The following CECR2 variants were observed in gnomAD, a reference collection of about 807,000 sequenced individuals.
CECR2 encodes chromatin remodeling regulator CECR2.
Under a neutral mutation model 154.5 loss-of-function variants are expected in CECR2, and 30 were observed. The observed-to-expected ratio is 0.19, with a 90% CI of 0.15 to 0.26. CECR2 has a LOEUF of 0.26. Among genes scored for constraint, CECR2 ranks in the 10% least tolerant of loss-of-function variants. The pLI is 1.00. For synonymous variants in CECR2, 725 were observed against 683.7 expected (o/e 1.06, Z -0.94); for missense variants, 1,743 against 1,829.3 (o/e 0.95, Z 0.86).
intron 1 of CECR2, among the ~76,000 whole-genome samples, chr22:17,475,448 C>G (rs2055193288): frequency 6.6e-6 from 1 of 152,050 alleles, no homozygotes; most frequent in Admixed American, 6.6e-5. Context: ...CCTAGTTTAT[C>G]TTGCTGTTGT....
At chr22:17,441,089 C>T (rs1386872238) in intron 1 of CECR2, among the ~76,000 whole-genome samples, 3 of 152,062 alleles carry the variant, frequency 2.0e-5, no homozygotes, top group African/African-American at 4.8e-5. Context: ...GTTGGGATTA[C>T]AGGTGCATGC....
chr22:17,374,965 G>T (rs371938550), intron 1 of CECR2, among the ~76,000 whole-genome samples: 1 of 151,944 alleles, frequency 6.6e-6, no homozygotes, highest in Non-Finnish European at 1.5e-5. Context: ...TTAAAATGAC[G>T]GGCCAGACCC....
intron 1 of CECR2, among the ~76,000 whole-genome samples, chr22:17,406,197 C>T (rs949268130): frequency 2.6e-5 from 4 of 152,134 alleles, no homozygotes; most frequent in Non-Finnish European, 5.9e-5. Context: ...AATATGGTGT[C>T]TTTTGGTAAA....
chr22:17,537,282 T>C, intron 10 of CECR2, 50 bp downstream of exon 10: 1 of 1,605,604 alleles, frequency 6.2e-7, no homozygotes, highest in Non-Finnish European at 8.5e-7. Context: ...GTAGCATTTA[T>C]GAAGCATTCA....
chr22:17,458,530 ATAT>A (rs2054889183), intron 1 of CECR2, among the ~76,000 whole-genome samples: 1 of 151,476 alleles, frequency 6.6e-6, no homozygotes, highest in South Asian at 2.1e-4. Context: ...TTTCTTTTTA[ATAT>A]TATAGTTATG....
intron 2 of CECR2, among the ~76,000 whole-genome samples, chr22:17,485,556 C>G (rs1049913029): frequency 6.6e-6 from 1 of 152,148 alleles, no homozygotes; most frequent in Non-Finnish European, 1.5e-5. Context: ...CTCACATGAA[C>G]TCAGGAGTTC....
intron 1 of CECR2, among the ~76,000 whole-genome samples, chr22:17,466,452 T>A (rs1213637435): frequency 2.6e-5 from 4 of 152,206 alleles, no homozygotes; most frequent in Non-Finnish European, 5.9e-5. Flanking sequence ...TGAAAACCCT[T>A]TATGTCAGCC....
At chr22:17,389,374 G>T (rs538270886) in intron 1 of CECR2, among the ~76,000 whole-genome samples, 1 of 152,278 alleles carries the variant, frequency 6.6e-6, no homozygotes, top group Admixed American at 6.5e-5. Context: ...TAGCTAGCTA[G>T]GCATCTCTAG....
chr22:17,428,503 T>TACC (rs1555908309), intron 1 of CECR2: 1 of 151,706 alleles, frequency 6.6e-6, no homozygotes, highest in Non-Finnish European at 1.5e-5. Context: ...AAGAGAAACT[T>TACC]ATCAAACATT....
At chr22:17,360,479 C>A (rs1317372892) in intron 1 of CECR2, among the ~76,000 whole-genome samples, 1 of 151,984 alleles carries the variant, frequency 6.6e-6, no homozygotes, top group Non-Finnish European at 1.5e-5. Flanking sequence ...GTCAGGAGTT[C>A]GAGACCAGCC....
intron 2 of CECR2, among the ~76,000 whole-genome samples, chr22:17,483,977 T>TAA: frequency 6.6e-6 from 1 of 152,204 alleles, no homozygotes; most frequent in African/African-American, 2.4e-5. Context: ...CACAAATCCT[T>TAA]AACATTCCAT....
rs767828651 is a variant in CECR2, at chr22:17,552,078, C to T, written c.4325C>T (p.Pro1442Leu). The T allele has an allele frequency of 1.2e-6, 2 of 1,614,028 alleles. No individual in the cohort carries two copies. Among genetic ancestry groups the T allele is most frequent in the Non-Finnish European group, 1.7e-6 (2 of 1,179,892 alleles). Residue 1442 changes from proline (P) to leucine (L), a missense_variant, in exon 18 of 19, where the codon CCC becomes CTC. Physicochemically the swap from Pro to Leu is moderately conservative, Grantham distance 98 (BLOSUM62 -3). Around this residue, in one of 4 missense-constraint regions of CECR2, gnomAD observed 1,250 missense variants for 1,192.1 expected, o/e 1.05. Transcript: ENST00000262608. ...VQSQASFPKT[P>L]TAATSQEEVP... ...TCGCAGGCCTCGTTCCCAAAGACCC[C>T]CACAGCAGCAACATCACAGGAGGAG...
rs753544586 is a variant in CECR2, at chr22:17,548,143, T to TG, written c.2861-4dup. On this transcript the variant is annotated splice_region_variant and splice_polypyrimidine_tract_variant and intron_variant, in intron 16 of 18. Transcript: ENST00000262608. ...TTTTTCTCCTCTTTTTTTTTTTTTT[T>TG]GCAGCAGAGCCGTTGCCTGGCCTTG... 2.7e-4 allele frequency: 394 copies of TG among 1,461,900 alleles called. No individual in the cohort carries two copies. Among genetic ancestry groups the TG allele is most frequent in the East Asian group, 6.4e-4 (25 of 39,338 alleles). The allele number at this position is 1,461,900 out of a possible 1,614,324, so 90.6% of individuals were successfully genotyped here. A position where few individuals can be genotyped will look rare whatever the true frequency, so the allele number is the denominator to read the frequency against.
intron 9 of CECR2, among the ~76,000 whole-genome samples, chr22:17,534,034 T>G (rs1974713): frequency 3.9e-5 from 6 of 151,984 alleles, no homozygotes; most frequent in African/African-American, 1.2e-4. Context: ...CATGAAAACT[T>G]GCAAAAACAA....
intron 1 of CECR2, among the ~76,000 whole-genome samples, chr22:17,460,707 ATCCC>A (rs2054924530): frequency 6.6e-6 from 1 of 152,178 alleles, no homozygotes; most frequent in African/African-American, 2.4e-5. Flanking sequence ...AGTGCCTGTC[ATCCC>A]CGGTATCCTT....
rs910728377 is a variant in CECR2 at position 17,442,303 on chromosome 22, C to T, written c.127-35285C>T. The stretch of plus-strand genomic sequence containing the variant: ...ATCAGGCCAGGTGTGGTGGCTCACA[C>T]CTATAATCCCAGAACTTCAGGAGGC... On this transcript the variant is annotated intron_variant, in intron 1 of 18. Transcript: ENST00000262608. Among the ~76,000 whole-genome samples the T allele has an allele frequency of 2.6e-5, 4 of 152,128 alleles. No homozygotes were observed. The South Asian group carries it at 6.2e-4, about 24-fold the overall frequency.
Position 17,550,708 on chromosome 22 carries a change from C to T in CECR2, c.4277+1144C>T, listed in dbSNP as rs374103577. Among the ~76,000 whole-genome samples, 8 of 152,186 alleles carry T rather than the reference C, an allele frequency of 5.3e-5. No homozygotes were observed. The East Asian group carries it at 1.2e-3, about 22-fold the overall frequency. On this transcript the variant is annotated intron_variant, in intron 17 of 18. Transcript: ENST00000262608. Reference sequence around the variant, plus strand: ...CTGTAATCCCAGCACTTCGGGAGGCCGAGGCGGGCAGATCACGAGGTCAGG... The same window carrying T: ...CTGTAATCCCAGCACTTCGGGAGGCTGAGGCGGGCAGATCACGAGGTCAGG...
At chr22:17,481,686 G>A (rs1006312706) in intron 2 of CECR2, among the ~76,000 whole-genome samples, 1 of 152,166 alleles carries the variant, frequency 6.6e-6, no homozygotes, top group Non-Finnish European at 1.5e-5. Flanking sequence ...GTGGTCACAC[G>A]AGGTTGTGAT....
At chr22:17,392,036 C>T (rs2063331445) in intron 1 of CECR2, among the ~76,000 whole-genome samples, 1 of 152,118 alleles carries the variant, frequency 6.6e-6, no homozygotes, top group African/African-American at 2.4e-5. Context: ...TCTCGAACTC[C>T]CAAACTCAGG....
Sources: allele counts gnomAD v4.1 joint callset (sites outside exome capture counted in the v4.1 genomes callset), GRCh38; gene constraint gnomAD v4.1.1; regional missense constraint gnomAD v4.1.1; transcripts MANE v1.5; gene names NCBI Gene and HGNC (gene_info 2026-07-23, HGNC 2026-07-21).